FAS: variants seen among roughly 807,000 people sequenced by gnomAD.
FAS encodes the protein tumor necrosis factor receptor superfamily member 6.
A neutral mutation model predicts 33.2 loss-of-function variants in FAS; 5 were observed. That is an observed-to-expected ratio of 0.15 (90% CI 0.08 to 0.32). FAS has a LOEUF of 0.32. Ranked by LOEUF, FAS falls within the 10% of genes least tolerant of loss-of-function variation. The pLI is 1.00. For synonymous variants in FAS, 131 were observed against 130.7 expected (o/e 1.00, Z -0.01); for missense variants, 339 against 386.0 (o/e 0.88, Z 1.02).
At chr10:88,972,638 T>C (rs1846474376) in intron 1 of FAS, among the ~76,000 whole-genome samples, 1 of 152,192 alleles carries the variant, frequency 6.6e-6, no homozygotes, top group African/African-American at 2.4e-5. Context: ...CTCTAGGGAT[T>C]ACAATATACA....
chr10:89,003,056 T>A lies in FAS; in HGVS notation c.58T>A (p.Ser20Thr). Residue 20 changes from serine (S) to threonine (T), a missense_variant, in exon 2 of 9, where the codon TCC (serine) becomes ACC (threonine). Physicochemically the swap from Ser to Thr is moderately conservative, Grantham distance 58 (BLOSUM62 1). Coordinates refer to ENST00000652046, the MANE Select transcript of FAS (RefSeq NM_000043.6). ...TCTTACGTCTGTTGCTAGATTATCGTCCAAAAGTGTTAATGCCCAAGTGAC... is the reference window on the plus strand; with the variant it reads ...TCTTACGTCTGTTGCTAGATTATCGACCAAAAGTGTTAATGCCCAAGTGAC... ...LVLTSVARLS[S>T]KSVNAQVTDI... 1 of 1,614,152 alleles carries A rather than the reference T, an allele frequency of 6.2e-7. No homozygotes were observed. The highest frequency in any genetic ancestry group is 8.5e-7 in the Non-Finnish European group (1 of 1,180,006).
At chr10:88,964,720 G>A (rs1846290933) in intron 1 of FAS, among the ~76,000 whole-genome samples, 2 of 152,118 alleles carry the variant, frequency 1.3e-5, no homozygotes, top group Admixed American at 6.5e-5. Flanking sequence ...TTTTGGGGTG[G>A]CATATTCAGC....
At chr10:89,000,985 G>T (rs186916461) in intron 1 of FAS, among the ~76,000 whole-genome samples, 1 of 152,384 alleles carries the variant, frequency 6.6e-6, no homozygotes, top group Non-Finnish European at 1.5e-5. Context: ...GGCAGAGGTT[G>T]TAGTGAGCCA....
upstream of FAS, among the ~76,000 whole-genome samples, chr10:88,986,328 G>A (rs922678789): frequency 2.0e-5 from 3 of 152,154 alleles, no homozygotes; most frequent in African/African-American, 7.2e-5. Flanking sequence ...ACCACCATAT[G>A]CAAAAATGTC....
In FAS at chr10:89,015,123, C is replaced by T. The variant is rs1459576081; in HGVS notation, c.*673C>T. On this transcript the variant is annotated 3_prime_UTR_variant, in exon 9 of 9. Coordinates refer to ENST00000652046, the MANE Select transcript of FAS (RefSeq NM_000043.6). ...CTATTATATATGTGTATGCATTTTA[C>T]TGGCTCAAAACTACCTACTTCTTTC... is the stretch of plus-strand genomic sequence containing the variant. 5.6e-6 allele frequency: 3 copies of T among 534,800 alleles called. No homozygotes were observed. Among genetic ancestry groups the T allele is most frequent in the Non-Finnish European group, 7.2e-6 (2 of 276,662 alleles). The allele number at this position is 534,800 out of a possible 1,614,324, so 33.1% of individuals were successfully genotyped here.
At chr10:88,978,818 C>G (rs1427806206) in intron 2 of FAS, among the ~76,000 whole-genome samples, 1 of 152,114 alleles carries the variant, frequency 6.6e-6, no homozygotes, top group Non-Finnish European at 1.5e-5. Flanking sequence ...CTCCAAAAAG[C>G]CTTCTATGAC....
intron 1 of FAS, among the ~76,000 whole-genome samples, chr10:88,997,980 A>G (rs979026296): frequency 2.0e-5 from 3 of 152,218 alleles, no homozygotes; most frequent in African/African-American, 7.2e-5. Context: ...TGATCATCCA[A>G]GATGGGAAAT....
chr10:88,987,471 T>C (rs1341461211), upstream of FAS, among the ~76,000 whole-genome samples: 1 of 152,106 alleles, frequency 6.6e-6, no homozygotes, highest in African/African-American at 2.4e-5. Context: ...TCAGCATGGT[T>C]TCCTCTCAGT....
chr10:88,996,021 C>T (rs1358137647), intron 1 of FAS, among the ~76,000 whole-genome samples: 8 of 152,138 alleles, frequency 5.3e-5, no homozygotes, highest in Admixed American at 5.2e-4. Context: ...ACATTGGATT[C>T]ATTAATGATA....
At chr10:88,976,326 T>C (rs575182909) in intron 2 of FAS, among the ~76,000 whole-genome samples, 4 of 152,210 alleles carry the variant, frequency 2.6e-5, no homozygotes, top group Non-Finnish European at 5.9e-5. Flanking sequence ...ACAAGGTTGG[T>C]ATAATAGATA....
intron 1 of FAS, among the ~76,000 whole-genome samples, chr10:88,965,313 T>G (rs1436815973): frequency 1.3e-5 from 2 of 152,142 alleles, no homozygotes; most frequent in African/African-American, 4.8e-5. Context: ...AGGAATTTGG[T>G]TAAGCAACTT....
At chr10:89,010,307 T>C (rs924552280) in intron 4 of FAS, among the ~76,000 whole-genome samples, 1 of 143,708 alleles carries the variant, frequency 7.0e-6, no homozygotes, top group Non-Finnish European at 1.5e-5. Flanking sequence ...TATCTTCCTT[T>C]AACTCTTGAA....
At chr10:88,986,736 A>G (rs1749409401), upstream of FAS, among the ~76,000 whole-genome samples, 1 of 151,958 alleles carries the variant, frequency 6.6e-6, no homozygotes, top group Non-Finnish European at 1.5e-5. Context: ...TACAGGAAGG[A>G]AGTAGTGCAG....
At chr10:89,004,826 A>G (rs941944100) in intron 2 of FAS, among the ~76,000 whole-genome samples, 2 of 152,104 alleles carry the variant, frequency 1.3e-5, no homozygotes. Flanking sequence ...GCATCCAACC[A>G]TGTTAAATAC....
chr10:89,004,787 C>T (rs1848128512), intron 2 of FAS, among the ~76,000 whole-genome samples: 1 of 152,044 alleles, frequency 6.6e-6, no homozygotes, highest in South Asian at 2.1e-4. Context: ...ACTGATTCTC[C>T]CTGATCCGTC....
At chr10:88,983,794 T>TTCAGAAAG (rs1846787452), upstream of FAS, among the ~76,000 whole-genome samples, 1 of 152,148 alleles carries the variant, frequency 6.6e-6, no homozygotes, top group Admixed American at 6.5e-5. Context: ...TTGAAGAAAT[T>TTCAGAAAG]TCAGAAAGAA....
At chr10:89,007,576 A>C in intron 2 of FAS, 124 bp from the exon 3 acceptor site, 1 of 1,259,524 alleles carries the variant, frequency 7.9e-7, no homozygotes, top group Non-Finnish European at 1.1e-6. Context: ...TTTATATCTC[A>C]TTAGCCTACC....
chr10:88,999,161 A>AAAAT lies in FAS; in HGVS notation c.31-3866_31-3865insATAA, dbSNP rs879818262. 7.1e-3 allele frequency among the ~76,000 whole-genome samples: 678 copies of AAAAT among 96,132 alleles called. 30 individuals are homozygous for AAAAT. The East Asian group carries it at 0.11, about 15-fold the overall frequency. 63.1% of individuals were successfully genotyped at this position (96,132 alleles called of 152,430 possible). A position where few individuals can be genotyped will look rare whatever the true frequency, so the allele number is the denominator to read the frequency against. ...GAGCGAGACTCCGTCTCAAAAAAAT[A>AAAAT]AATAAATAAATAAAATAAAATAAAA... On this transcript the variant is annotated intron_variant, in intron 1 of 8. Coordinates refer to ENST00000652046, the MANE Select transcript of FAS (RefSeq NM_000043.6).
chr10:88,975,276 A>G (rs1446037908), intron 2 of FAS: 1 of 152,208 alleles, frequency 6.6e-6, no homozygotes, highest in African/African-American at 2.4e-5. Context: ...ATACAAAAGG[A>G]AGGAGATAAA....
Sources: allele counts gnomAD v4.1 joint callset (sites outside exome capture counted in the v4.1 genomes callset), GRCh38; gene constraint gnomAD v4.1.1; transcripts MANE v1.5; gene names NCBI Gene and HGNC (gene_info 2026-07-23, HGNC 2026-07-21).